The following ANKMY2 variants were observed in gnomAD, a reference collection of about 807,000 sequenced individuals.
ANKMY2 encodes the protein ankyrin repeat and MYND domain containing 2, also known as ankyrin repeat and MYND domain-containing protein 2.
A neutral mutation model predicts 50.4 loss-of-function variants in ANKMY2; 36 were observed. The ratio of observed to expected loss-of-function variants is 0.71; its 90% CI spans 0.55 to 0.94. The LOEUF (loss-of-function observed/expected upper bound fraction) is 0.94, where lower values mean the gene tolerates loss of function less well. ANKMY2 is among the 40% of genes least tolerant of loss of function. The pLI, the probability that ANKMY2 is intolerant of heterozygous loss-of-function variation, is 0.00. For missense variants in ANKMY2, 565 were observed against 524.0 expected, an observed-to-expected ratio of 1.08 and a Z score of -0.76; for synonymous variants, 187 against 178.8, an observed-to-expected ratio of 1.05 and a Z score of -0.36.
intron 7 of ANKMY2, among the ~76,000 whole-genome samples, chr7:16,608,957 T>C (rs1370082033): frequency 2.0e-5 from 3 of 152,124 alleles, no homozygotes; most frequent in Non-Finnish European, 4.4e-5. Context: ...GCTGAGATTG[T>C]GCCACTGCAC....
At position 16,609,649 on chromosome 7, in the gene ANKMY2, C is replaced by A. The variant is rs1781214289; in HGVS notation, c.863G>T (p.Ser288Ile). Residue 288 changes from serine to isoleucine, a missense_variant, in exon 7 of 10, where the codon AGC (serine) becomes ATC (isoleucine). Ser to Ile is a moderately radical substitution (Grantham distance 142). Coordinates refer to ENST00000306999, the MANE Select transcript of ANKMY2 (RefSeq NM_020319.3). Reference sequence around the variant, plus strand: ...CCTTACAATTTCAACAGGAGCAATGCTTCGAACCAGCTGCTGGAGGAGTGT... The same window carrying A: ...CCTTACAATTTCAACAGGAGCAATGATTCGAACCAGCTGCTGGAGGAGTGT... ...EATLLQQLVRSIAPVEIGSDP... is the reference protein window; with the variant it reads ...EATLLQQLVRIIAPVEIGSDP... 3.1e-6 allele frequency: 5 copies of A among 1,608,448 alleles called. No homozygotes were observed. The highest frequency in any genetic ancestry group is 3.4e-6 in the Non-Finnish European group (4 of 1,178,362).
intron 4 of ANKMY2, among the ~76,000 whole-genome samples, chr7:16,619,689 T>C (rs1781405994): frequency 6.6e-6 from 1 of 152,080 alleles, no homozygotes; most frequent in Non-Finnish European, 1.5e-5. Flanking sequence ...ATTCTGAATA[T>C]ACATAAATAA....
chr7:16,604,481 G>C (rs867853288), intron 8 of ANKMY2, among the ~76,000 whole-genome samples: 4 of 152,076 alleles, frequency 2.6e-5, no homozygotes, highest in Admixed American at 6.6e-5. Context: ...CTTTCCATGA[G>C]GTGATCAGCA....
chr7:16,602,303 A>G, intron 9 of ANKMY2, 77 bp downstream of exon 9: 4 of 1,520,876 alleles, frequency 2.6e-6, no homozygotes, highest in South Asian at 1.3e-5. Context: ...GAGAAGACGC[A>G]GTTTCAGTGT....
chr7:16,601,730 T>C (rs995453284), intron 9 of ANKMY2, among the ~76,000 whole-genome samples: 6 of 152,146 alleles, frequency 3.9e-5, no homozygotes, highest in South Asian at 2.1e-4. Flanking sequence ...CCAGAACATA[T>C]GATACATTCT....
At chr7:16,626,862 A>G (rs1781513791) in intron 3 of ANKMY2, among the ~76,000 whole-genome samples, 178 bp downstream of exon 3, 1 of 152,220 alleles carries the variant, frequency 6.6e-6, no homozygotes, top group African/African-American at 2.4e-5. Flanking sequence ...AAATCACCAA[A>G]TTCACTATAT....
intron 2 of ANKMY2, among the ~76,000 whole-genome samples, chr7:16,633,833 C>G (rs1781620208): frequency 6.6e-6 from 1 of 151,972 alleles, no homozygotes; most frequent in Non-Finnish European, 1.5e-5. Flanking sequence ...CTAAAAGGTG[C>G]TATTGCGATC....
At chr7:16,645,388 C>A in intron 1 of ANKMY2, 119 bp downstream of exon 1, 1 of 995,980 alleles carries the variant, frequency 1.0e-6, no homozygotes, top group African/African-American at 1.7e-5. Flanking sequence ...TTCCCGGTTC[C>A]AGGCTGCAAA....
intron 5 of ANKMY2, among the ~76,000 whole-genome samples, chr7:16,615,519 T>C (rs1205568064): frequency 6.6e-6 from 1 of 152,182 alleles, no homozygotes; most frequent in Non-Finnish European, 1.5e-5. Flanking sequence ...ACCCATCTCT[T>C]TGCGTGGCTT....
chr7:16,629,288 C>A (rs546327873), intron 2 of ANKMY2, among the ~76,000 whole-genome samples: 1 of 152,302 alleles, frequency 6.6e-6, no homozygotes, highest in Admixed American at 6.5e-5. Flanking sequence ...GTAATCCCAA[C>A]ACTTTGGGAG....
At position 16,600,202 on chromosome 7, in the gene ANKMY2, G is replaced by A. The variant is rs978601868; in HGVS notation, c.*559C>T. 1 of 152,140 alleles carries A rather than the reference G, an allele frequency of 6.6e-6. No homozygotes were observed. The highest frequency in any genetic ancestry group is 1.5e-5 in the Non-Finnish European group (1 of 68,040). 9.4% of individuals were successfully genotyped at this position (152,140 alleles called of 1,614,324 possible). A position where few individuals can be genotyped will look rare whatever the true frequency, so the allele number is the denominator to read the frequency against. On this transcript the variant is annotated 3_prime_UTR_variant, in exon 10 of 10. Coordinates refer to ENST00000306999, the MANE Select transcript of ANKMY2 (RefSeq NM_020319.3). Reference sequence around the variant, plus strand: ...ACTACGTCAAGTTCAGAGTGTTCAGGATCATTTCTATATAAAACTACAATT... The same window carrying A: ...ACTACGTCAAGTTCAGAGTGTTCAGAATCATTTCTATATAAAACTACAATT...
rs1418254040 is a variant in ANKMY2, at chr7:16,602,468, A to T, written c.1053T>A (p.Phe351Leu). 6.2e-7 allele frequency: 1 copy of T among 1,613,876 alleles called. No homozygotes were observed. The highest frequency in any genetic ancestry group is 8.5e-7 in the Non-Finnish European group (1 of 1,179,950). ...CDQTCQKTHW[F>L]THKKICKNLK... ...GATTCTTACAGATTTTCTTATGAGT[A>T]AACCAGTGTGTTTTCTGGCAGGTTT... is the stretch of plus-strand genomic sequence containing the variant. Residue 351 changes from phenylalanine (F) to leucine (L), a missense_variant, in exon 9 of 10, where the codon TTT becomes TTA. Physicochemically the swap from Phe to Leu is conservative, Grantham distance 22. Transcript: ENST00000306999.
intron 4 of ANKMY2, among the ~76,000 whole-genome samples, chr7:16,619,998 C>T (rs768500812): frequency 2.0e-5 from 3 of 152,126 alleles, no homozygotes; most frequent in African/African-American, 4.8e-5. Flanking sequence ...TTCTATATGT[C>T]GGAGAGAAAA....
intron 2 of ANKMY2, among the ~76,000 whole-genome samples, chr7:16,628,192 G>C (rs996589209): frequency 1.3e-5 from 2 of 152,164 alleles, no homozygotes; most frequent in African/African-American, 4.8e-5. Context: ...AAGTTGTTTT[G>C]GATGAAACGC....
chr7:16,609,648 G>A lies in ANKMY2; in HGVS notation c.864C>T (p.Ser288=), dbSNP rs1781214235. Residue 288 remains serine, a synonymous_variant, in exon 7 of 10, where the codon AGC becomes AGT. Coordinates refer to ENST00000306999, the MANE Select transcript of ANKMY2 (RefSeq NM_020319.3). ...GCCTTACAATTTCAACAGGAGCAAT[G>A]CTTCGAACCAGCTGCTGGAGGAGTG... ...EATLLQQLVR[S]IAPVEIGSDP... 6.2e-7 allele frequency: 1 copy of A among 1,608,094 alleles called. No homozygotes were observed.
rs759725601 is a variant in ANKMY2 at position 16,636,421 on chromosome 7, G to T, written c.102C>A (p.Ser34Arg). ...TVQEAGTLLSSKNVRVNCLDE... is the reference protein window; with the variant it reads ...TVQEAGTLLSRKNVRVNCLDE... ...CCAAACAGTTGACACGAACATTCTT[G>T]CTGGATAATAATGTTCCAGCTTCTT... The change falls in exon 2 of 10, where the codon AGC becomes AGA. Residue 34 changes from serine to arginine, a missense_variant. Physicochemically the swap from Ser to Arg is moderately radical, Grantham distance 110. Coordinates refer to ENST00000306999, the MANE Select transcript of ANKMY2 (RefSeq NM_020319.3). 3 of 1,586,786 alleles carry T rather than the reference G, an allele frequency of 1.9e-6. No homozygotes were observed. The highest frequency in any genetic ancestry group is 2.6e-6 in the Non-Finnish European group (3 of 1,168,180).
chr7:16,637,020 T>G (rs1321407395), intron 1 of ANKMY2, among the ~76,000 whole-genome samples: 1 of 152,212 alleles, frequency 6.6e-6, no homozygotes, highest in East Asian at 1.9e-4. Context: ...AATGTAAACC[T>G]TAAGGTCACT....
In ANKMY2 at chr7:16,645,667, A is replaced by T; in HGVS notation, c.-94T>A. ...TGGGAACGCCAGCCGCAATGAGGCA[A>T]CTTGAGACCAAGACACTGAGTAGCC... On this transcript the variant is annotated 5_prime_UTR_variant, in exon 1 of 10. The change creates a new upstream start codon in the 5' untranslated region. Transcript: ENST00000306999. 1.4e-6 allele frequency: 2 copies of T among 1,379,588 alleles called. No individual in the cohort carries two copies. Among genetic ancestry groups the T allele is most frequent in the Non-Finnish European group, 2.0e-6 (2 of 1,010,180 alleles). 85.5% of individuals were successfully genotyped at this position (1,379,588 alleles called of 1,614,324 possible).
At chr7:16,644,938 T>C in intron 1 of ANKMY2, 1 of 334,678 alleles carries the variant, frequency 3.0e-6, no homozygotes, top group South Asian at 2.2e-5. Flanking sequence ...CCTGAGGCTG[T>C]CGGGGCTTCT....
Sources: allele counts gnomAD v4.1 joint callset (sites outside exome capture counted in the v4.1 genomes callset), GRCh38; gene constraint gnomAD v4.1.1; transcripts MANE v1.5; gene names NCBI Gene and HGNC (gene_info 2026-07-23, HGNC 2026-07-21).